Variants in PCDH15 observed in about 807,000 individuals in gnomAD.
The protein encoded by PCDH15 is protocadherin related 15.
A neutral mutation model predicts 178.5 loss-of-function variants in PCDH15; 129 were observed. The ratio of observed to expected loss-of-function variants is 0.72; its 90% confidence interval spans 0.63 to 0.84. The LOEUF (loss-of-function observed/expected upper bound fraction) is 0.84. Among genes scored for constraint, PCDH15 ranks in the 40% least tolerant of loss-of-function variants. PCDH15 has a pLI of 0.00. For missense variants in PCDH15, 2,230 were observed against 2,099.9 expected (o/e 1.06, Z -1.21); for synonymous variants, 800 against 732.0 (o/e 1.09, Z -1.50).
intron 20 of PCDH15, among the ~76,000 whole-genome samples, chr10:54,015,734 A>G (rs1426060223): frequency 6.6e-6 from 1 of 152,034 alleles, no homozygotes; most frequent in Non-Finnish European, 1.5e-5. Flanking sequence ...TCCTTACACC[A>G]TGTACAAAAA....
At chr10:54,728,303 C>T (rs1582103) in intron 1 of PCDH15, among the ~76,000 whole-genome samples, 101,882 of 151,192 alleles carry the variant, frequency 0.67, 35,964 homozygotes, top group Middle Eastern at 0.81. Context: ...AATGATTCAG[C>T]GATCCATCGT....
chr10:54,890,606 C>G (rs866810641), intron 3 of PCDH15, among the ~76,000 whole-genome samples: 1 of 151,870 alleles, frequency 6.6e-6, no homozygotes, highest in Non-Finnish European at 1.5e-5. Context: ...CCATGTTTGA[C>G]CTTCACAGAT....
chr10:55,203,630 G>A (rs1305333748), intron 1 of PCDH15, among the ~76,000 whole-genome samples: 1 of 151,924 alleles, frequency 6.6e-6, no homozygotes, highest in Non-Finnish European at 1.5e-5. Context: ...GGTCAGAGAG[G>A]GGCCATGGTA....
intron 2 of PCDH15, among the ~76,000 whole-genome samples, chr10:54,548,195 T>C (rs1482095748): frequency 2.7e-5 from 4 of 147,694 alleles, no homozygotes; most frequent in African/African-American, 9.8e-5. Flanking sequence ...ATATTTTATA[T>C]GTATATACTT....
intron 2 of PCDH15, among the ~76,000 whole-genome samples, chr10:54,546,832 A>G (rs77842343): frequency 0.046 from 7,038 of 152,234 alleles, 550 homozygotes; most frequent in African/African-American, 0.16. Context: ...CTCCTTCAAC[A>G]CCGCATGATT....
chr10:54,298,143 G>C (rs923849654), intron 8 of PCDH15, among the ~76,000 whole-genome samples: 2 of 152,114 alleles, frequency 1.3e-5, no homozygotes, highest in Non-Finnish European at 2.9e-5. Context: ...TCATGGAAAG[G>C]AAGAAAATCC....
At chr10:54,741,474 GA>G (rs892972279) in intron 1 of PCDH15, among the ~76,000 whole-genome samples, 7 of 151,614 alleles carry the variant, frequency 4.6e-5, no homozygotes, top group African/African-American at 9.7e-5. Context: ...ACTGATGGCA[GA>G]AAAAAAATGA....
chr10:54,376,353 G>A (rs565128505), intron 4 of PCDH15, among the ~76,000 whole-genome samples: 4 of 150,634 alleles, frequency 2.7e-5, no homozygotes, highest in African/African-American at 9.7e-5. Context: ...TAATAATAAT[G>A]TATATTTTAT....
chr10:54,094,036 G>T (rs2094650343), intron 15 of PCDH15, among the ~76,000 whole-genome samples: 1 of 152,116 alleles, frequency 6.6e-6, no homozygotes, highest in Admixed American at 6.6e-5. Context: ...GGCTTATTTT[G>T]AGTTTAACGG....
intron 2 of PCDH15, among the ~76,000 whole-genome samples, chr10:54,622,691 A>C (rs1246742567): frequency 1.3e-5 from 1 of 79,940 alleles, no homozygotes; most frequent in African/African-American, 5.6e-5. Flanking sequence ...ATATTATATA[A>C]TATATATTTT....
Position 54,096,275 on chromosome 10 carries a change from T to C in PCDH15, c.1918-6212A>G, listed in dbSNP as rs567468690. The stretch of plus-strand genomic sequence containing the variant: ...CCTAATTTCCCAGTATCCCTTTTGA[T>C]TGGTGAGCCTCAGAGTAGCCTTCTT... On this transcript the variant is annotated intron_variant, in intron 15 of 37. Coordinates refer to ENST00000644397, the MANE Select transcript of PCDH15 (RefSeq NM_001384140.1). Among the ~76,000 whole-genome samples the C allele has an allele frequency of 8.6e-5, 13 of 151,980 alleles. No individual in the cohort carries two copies. The South Asian group carries it at 2.5e-3, about 29-fold the overall frequency.
chr10:54,655,413 G>C (rs11814846), intron 2 of PCDH15: 1 of 146,206 alleles, frequency 6.8e-6, no homozygotes, highest in Non-Finnish European at 1.5e-5. Flanking sequence ...TGGGTAAGGG[G>C]TGTGTGTGTG....
At chr10:54,225,147 T>C (rs1484579623) in intron 9 of PCDH15, among the ~76,000 whole-genome samples, 1 of 152,106 alleles carries the variant, frequency 6.6e-6, no homozygotes, top group Non-Finnish European at 1.5e-5. Flanking sequence ...CAGGTATACC[T>C]ACACTAGAAA....
chr10:54,214,090 A>T (rs762460526), intron 9 of PCDH15, 42 bp from the exon 10 acceptor site: 1 of 1,066,172 alleles, frequency 9.4e-7, no homozygotes, highest in South Asian at 1.3e-5. Flanking sequence ...GAGAACAATA[A>T]GTAATATGTG....
intron 2 of PCDH15, among the ~76,000 whole-genome samples, chr10:54,911,363 T>G (rs1271572549): frequency 6.6e-6 from 1 of 152,172 alleles, no homozygotes; most frequent in Non-Finnish European, 1.5e-5. Flanking sequence ...TATACTGATT[T>G]AAGGAAATTA....
intron 25 of PCDH15, among the ~76,000 whole-genome samples, chr10:53,937,288 T>G (rs1223488531): frequency 6.6e-6 from 1 of 152,190 alleles, no homozygotes; most frequent in East Asian, 1.9e-4. Flanking sequence ...AAAATTTTTC[T>G]TTCTTAAACT....
intron 2 of PCDH15, among the ~76,000 whole-genome samples, chr10:55,069,282 ATT>A (rs147802362): frequency 1.4e-5 from 2 of 142,082 alleles, no homozygotes; most frequent in East Asian, 2.1e-4. Flanking sequence ...TAAAATAACA[ATT>A]TTTTTTTTAT....
intron 2 of PCDH15, among the ~76,000 whole-genome samples, chr10:54,985,987 G>A (rs1453548566): frequency 6.6e-6 from 1 of 152,146 alleles, no homozygotes; most frequent in Non-Finnish European, 1.5e-5. Flanking sequence ...ATTCAACCTG[G>A]GGTTTGAAGT....
At chr10:55,119,168 G>T (rs1417083821) in intron 2 of PCDH15, among the ~76,000 whole-genome samples, 2 of 152,070 alleles carry the variant, frequency 1.3e-5, no homozygotes, top group Non-Finnish European at 2.9e-5. Context: ...CAAGACAGAA[G>T]TCTCAATAAT....
Sources: gnomAD v4.1 joint callset for allele counts (sites outside exome capture counted in the v4.1 genomes callset) on GRCh38, gnomAD v4.1.1 for gene constraint, MANE v1.5 for transcripts, NCBI Gene and HGNC (gene_info 2026-07-23, HGNC 2026-07-21) for gene names.